The following TXLNB variants were observed in gnomAD, a reference collection of about 807,000 sequenced individuals.
TXLNB encodes the protein taxilin beta, also known as beta-taxilin.
In TXLNB, 37 loss-of-function variants were observed where a neutral mutation model predicts 57.4. The ratio of observed to expected loss-of-function variants is 0.64; its 90% CI spans 0.50 to 0.85. The LOEUF is 0.85. TXLNB is among the 40% of genes least tolerant of loss of function. TXLNB has a pLI of 0.00. For synonymous variants in TXLNB, 302 were observed against 309.6 expected (o/e 0.98, Z 0.26); for missense variants, 848 against 825.6 (o/e 1.03, Z -0.33).
the TXLNB span, among the ~76,000 whole-genome samples, chr6:139,164,089 C>CTCTT: frequency 1.3e-5 from 2 of 151,584 alleles, no homozygotes; most frequent in African/African-American, 2.4e-5. Flanking sequence ...CACTCTCTCT[C>CTCTT]TCTCTCTCTC....
chr6:139,289,783 G>A lies in TXLNB; in HGVS notation c.-14-870C>T, dbSNP rs557200855. On this transcript the variant is annotated intron_variant, in intron 1 of 9. Transcript: ENST00000358430. Reference sequence around the variant, plus strand: ...GTACATGACTGTATATATTTAAAATGTTTAAATATAAAGTGGTATTAGTTT... The same window carrying A: ...GTACATGACTGTATATATTTAAAATATTTAAATATAAAGTGGTATTAGTTT... 2.1e-3 allele frequency among the ~76,000 whole-genome samples: 314 copies of A among 152,212 alleles called. 1 individual carries two copies. Among genetic ancestry groups the A allele is most frequent in the Non-Finnish European group, 3.7e-3 (255 of 68,018 alleles).
the TXLNB span, chr6:139,174,727 T>C: frequency 1.6e-5 from 12 of 735,102 alleles, no homozygotes; most frequent in Non-Finnish European, 2.3e-5. Context: ...TAGAATAATA[T>C]ATAATTATGT....
chr6:139,196,179 A>G, the TXLNB span, among the ~76,000 whole-genome samples: 1 of 152,158 alleles, frequency 6.6e-6, no homozygotes, highest in Non-Finnish European at 1.5e-5. Context: ...ATTAAGCCAT[A>G]TAATAAATCT....
chr6:139,306,292 A>G, the TXLNB span, among the ~76,000 whole-genome samples: 3 of 152,216 alleles, frequency 2.0e-5, no homozygotes, highest in Non-Finnish European at 4.4e-5. Flanking sequence ...TCCCTCCTGC[A>G]GCCATTTCAG....
At chr6:139,300,016 C>CT in the TXLNB span, among the ~76,000 whole-genome samples, 1 of 151,996 alleles carries the variant, frequency 6.6e-6, no homozygotes, top group Non-Finnish European at 1.5e-5. Context: ...TTTCTCTTCT[C>CT]TGTCTAGTAT....
intron 2 of TXLNB, among the ~76,000 whole-genome samples, chr6:139,285,028 A>G (rs201952560): frequency 6.9e-6 from 1 of 145,178 alleles, no homozygotes; most frequent in East Asian, 2.0e-4. Flanking sequence ...TAGAGTGGAC[A>G]CACCTAGGTA....
chr6:139,264,022 T>C (rs370006895), intron 4 of TXLNB, among the ~76,000 whole-genome samples: 1 of 152,220 alleles, frequency 6.6e-6, no homozygotes, highest in Admixed American at 6.5e-5. Context: ...CTTTCCTCTA[T>C]AATAACAACA....
the TXLNB span, among the ~76,000 whole-genome samples, chr6:139,215,236 G>A: frequency 7.1e-6 from 1 of 141,688 alleles, no homozygotes; most frequent in African/African-American, 2.8e-5. Flanking sequence ...TATACGACAA[G>A]GCTACAGTAA....
At chr6:139,313,234 G>A in the TXLNB span, among the ~76,000 whole-genome samples, 24 of 151,830 alleles carry the variant, frequency 1.6e-4, no homozygotes, top group East Asian at 7.7e-4. Flanking sequence ...CACCATGCCC[G>A]GCTAATTTTT....
chr6:139,232,116 A>G, the TXLNB span, among the ~76,000 whole-genome samples: 1 of 152,200 alleles, frequency 6.6e-6, no homozygotes, highest in Non-Finnish European at 1.5e-5. Flanking sequence ...AAGAGGTTTA[A>G]TGTACTCACA....
intron 5 of TXLNB, among the ~76,000 whole-genome samples, chr6:139,261,152 A>G (rs1776470803): frequency 6.6e-6 from 1 of 152,218 alleles, no homozygotes. Context: ...AATCAGAAAC[A>G]GGACATGGAA....
At chr6:139,320,056 C>A in the TXLNB span, among the ~76,000 whole-genome samples, 1 of 152,048 alleles carries the variant, frequency 6.6e-6, no homozygotes, top group Non-Finnish European at 1.5e-5. Context: ...TATTTTATAT[C>A]TTGTTTTAAA....
At chr6:139,256,717 T>C (rs185952726) in intron 6 of TXLNB, among the ~76,000 whole-genome samples, 25 of 152,396 alleles carry the variant, frequency 1.6e-4, no homozygotes, top group Admixed American at 1.6e-3. Flanking sequence ...GAACTATGTA[T>C]GTCCTTGGTC....
chr6:139,309,687 A>G, the TXLNB span, among the ~76,000 whole-genome samples: 1 of 152,148 alleles, frequency 6.6e-6, no homozygotes, highest in Admixed American at 6.6e-5. Context: ...AACTTTTGGA[A>G]GCCAAGGAGG....
rs146183816 is a variant in TXLNB, at chr6:139,288,560, C to T, written c.340G>A (p.Val114Ile). 1.5e-4 allele frequency: 239 copies of T among 1,614,194 alleles called. No homozygotes were observed. In the African/African-American group the frequency reaches 2.8e-3, roughly 19 times the overall value. Residue 114 changes from valine (V) to isoleucine (I), a missense_variant, in exon 2 of 10, where the codon GTT becomes ATT. Physicochemically the swap from Val to Ile is conservative, Grantham distance 29. Coordinates refer to ENST00000358430, the MANE Select transcript of TXLNB (RefSeq NM_153235.4). ...ETTEEAGREP[V>I]ASGEPPTVKE... The stretch of plus-strand genomic sequence containing the variant: ...ACAGTGGGTGGCTCTCCAGAAGCAA[C>T]GGGTTCTCTTCCAGCCTCTTCAGTT...
At chr6:139,194,318 A>T in the TXLNB span, among the ~76,000 whole-genome samples, 6 of 152,184 alleles carry the variant, frequency 3.9e-5, no homozygotes, top group Non-Finnish European at 5.9e-5. Context: ...ATACTCCATC[A>T]ACTGGAAAGG....
Position 139,260,403 on chromosome 6 carries a change from T to G in TXLNB, c.917A>C (p.Gln306Pro), listed in dbSNP as rs1172764156. 6.2e-7 allele frequency: 1 copy of G among 1,614,184 alleles called. No individual in the cohort carries two copies. The highest frequency in any genetic ancestry group is 1.1e-5 in the South Asian group (1 of 91,082). ...AAGCTTTGCATCCACCAGCTTCTGC[T>G]GCAGTTCTCTGTGTTTAAATATTTT... ...LDKIFKHREL[Q>P]QKLVDAKLEQ... is the part of the protein sequence containing the mutation. The change falls in exon 6 of 10, where the codon CAG (glutamine) becomes CCG (proline). Residue 306 changes from glutamine to proline, a missense_variant. Gln to Pro is a moderately conservative substitution (Grantham distance 76). Transcript: ENST00000358430.
At chr6:139,280,472 C>T (rs543085433) in intron 2 of TXLNB, among the ~76,000 whole-genome samples, 118 of 151,996 alleles carry the variant, frequency 7.8e-4, no homozygotes, top group African/African-American at 2.6e-3. Context: ...AGTAAAACCG[C>T]GTCTCTACTA....
chr6:139,166,690 GC>G, the TXLNB span: 2 of 1,612,608 alleles, frequency 1.2e-6, no homozygotes, highest in Non-Finnish European at 1.7e-6. Context: ...AAAAGTGCAG[GC>G]CCCCAAATAA....
Sources: gnomAD v4.1 joint callset for allele counts (sites outside exome capture counted in the v4.1 genomes callset) on GRCh38, gnomAD v4.1.1 for gene constraint, MANE v1.5 for transcripts, NCBI Gene and HGNC (gene_info 2026-07-23, HGNC 2026-07-21) for gene names.